Variants in MARCHF1 observed in about 807,000 individuals in gnomAD.
MARCHF1 encodes the protein membrane associated ring-CH-type finger 1, also known as E3 ubiquitin-protein ligase MARCHF1.
Under a neutral mutation model 54.2 loss-of-function variants are expected in MARCHF1, and 40 were observed. The observed-to-expected ratio is 0.74, with a 90% CI of 0.57 to 0.96. The LOEUF (loss-of-function observed/expected upper bound fraction) is 0.96, where lower values mean the gene tolerates loss of function less well. MARCHF1 is among the 40% of genes least tolerant of loss of function. MARCHF1 has a pLI of 0.00. For missense variants in MARCHF1, 586 were observed against 656.5 expected (o/e 0.89, Z 1.17); for synonymous variants, 236 against 236.3 (o/e 1.00, Z 0.01).
At chr4:164,253,069 TTAAAAA>T (rs1326702709) in intron 1 of MARCHF1, among the ~76,000 whole-genome samples, 1 of 151,684 alleles carries the variant, frequency 6.6e-6, no homozygotes, top group Non-Finnish European at 1.5e-5. Flanking sequence ...TAACAATAAA[TTAAAAA>T]TAAAACTTAA....
At chr4:164,167,034 G>A (rs1730400160) in intron 1 of MARCHF1, among the ~76,000 whole-genome samples, 2 of 150,860 alleles carry the variant, frequency 1.3e-5, no homozygotes, top group South Asian at 4.2e-4. Flanking sequence ...CATTATTATT[G>A]TCATCAATAT....
At chr4:163,675,924 T>C (rs1743897715) in intron 5 of MARCHF1, among the ~76,000 whole-genome samples, 1 of 152,156 alleles carries the variant, frequency 6.6e-6, no homozygotes, top group Non-Finnish European at 1.5e-5. Context: ...CTATATTTAA[T>C]ACAAACAAAC....
chr4:164,250,159 T>G (rs1560973965), intron 1 of MARCHF1, among the ~76,000 whole-genome samples: 1 of 152,078 alleles, frequency 6.6e-6, no homozygotes, highest in Non-Finnish European at 1.5e-5. Flanking sequence ...TGGAGCTCCA[T>G]AAACAGAGCA....
At chr4:164,027,428 A>G (rs1753794980) in intron 2 of MARCHF1, among the ~76,000 whole-genome samples, 1 of 149,532 alleles carries the variant, frequency 6.7e-6, no homozygotes, top group South Asian at 2.1e-4. Flanking sequence ...TCCACAGTAG[A>G]AAACCCAGAA....
At chr4:163,895,291 T>C (rs1442094305) in intron 3 of MARCHF1, among the ~76,000 whole-genome samples, 2 of 152,190 alleles carry the variant, frequency 1.3e-5, no homozygotes, top group Non-Finnish European at 1.5e-5. Flanking sequence ...TTTAGCTTCA[T>C]TATTGCCCTC....
intron 4 of MARCHF1, among the ~76,000 whole-genome samples, chr4:163,777,715 T>C (rs948732016): frequency 2.2e-4 from 34 of 152,154 alleles, no homozygotes; most frequent in Non-Finnish European, 1.3e-4. Context: ...AATAATACTT[T>C]TACTTAATGT....
intron 4 of MARCHF1, among the ~76,000 whole-genome samples, chr4:163,797,787 A>T (rs910108967): frequency 6.6e-6 from 1 of 152,036 alleles, no homozygotes; most frequent in African/African-American, 2.4e-5. Context: ...TATACTTTCT[A>T]TAATATATTA....
intron 2 of MARCHF1, among the ~76,000 whole-genome samples, chr4:164,020,922 A>G (rs1191137885): frequency 6.6e-6 from 1 of 152,104 alleles, no homozygotes; most frequent in Admixed American, 6.6e-5. Context: ...TAAAGACCAT[A>G]GTGACTACGG....
In MARCHF1 at chr4:163,983,285, TG is replaced by T. The variant is rs148106229; in HGVS notation, c.-39+5215del. Among the ~76,000 whole-genome samples the T allele has an allele frequency of 9.9e-3, 1,508 of 152,316 alleles. 27 individuals carry two copies. The highest frequency in any genetic ancestry group is 0.034 in the African/African-American group (1,428 of 41,576). ...TACTTTTTTCTCAAAGAGACAAACT[TG>T]AAAGGCTGAGTTATCTACTCAAGAT... On this transcript the variant is annotated intron_variant, in intron 3 of 9. Transcript: ENST00000514618.
At chr4:164,069,130 G>C (rs1465672637) in intron 2 of MARCHF1, among the ~76,000 whole-genome samples, 1 of 152,176 alleles carries the variant, frequency 6.6e-6, no homozygotes, top group Non-Finnish European at 1.5e-5. Context: ...CTGACACTCT[G>C]TATCTAGCTA....
intron 4 of MARCHF1, among the ~76,000 whole-genome samples, chr4:163,813,628 A>G (rs1296990760): frequency 6.6e-6 from 1 of 152,242 alleles, no homozygotes; most frequent in Non-Finnish European, 1.5e-5. Flanking sequence ...TTTTTAATAT[A>G]CAAGATCCTA....
chr4:163,691,433 A>T (rs138200413), intron 5 of MARCHF1, among the ~76,000 whole-genome samples: 1 of 152,266 alleles, frequency 6.6e-6, no homozygotes, highest in Non-Finnish European at 1.5e-5. Context: ...ATACTAGGAC[A>T]TCTCTTTCCC....
chr4:163,850,210 A>G (rs931747335), intron 4 of MARCHF1, among the ~76,000 whole-genome samples: 9 of 152,174 alleles, frequency 5.9e-5, no homozygotes, highest in African/African-American at 2.2e-4. Flanking sequence ...ATGTATAAAA[A>G]TAGAGAAGTG....
At chr4:164,115,915 A>G (rs1258463123) in intron 1 of MARCHF1, among the ~76,000 whole-genome samples, 1 of 152,076 alleles carries the variant, frequency 6.6e-6, no homozygotes, top group Non-Finnish European at 1.5e-5. Flanking sequence ...GAAGGTACAT[A>G]AAAGACAATT....
intron 2 of MARCHF1, among the ~76,000 whole-genome samples, chr4:164,040,327 T>C (rs1346761223): frequency 1.4e-5 from 2 of 138,252 alleles, no homozygotes; most frequent in South Asian, 2.2e-4. Context: ...TATGTATAAA[T>C]ACTTATACAA....
intron 7 of MARCHF1, among the ~76,000 whole-genome samples, chr4:163,603,189 T>C (rs1337438737): frequency 6.6e-6 from 1 of 152,142 alleles, no homozygotes; most frequent in East Asian, 1.9e-4. Flanking sequence ...TAAATAAATG[T>C]TGAGAGCAAA....
intron 1 of MARCHF1, among the ~76,000 whole-genome samples, chr4:164,137,518 G>A (rs1240953942): frequency 2.0e-5 from 3 of 152,072 alleles, no homozygotes; most frequent in African/African-American, 4.8e-5. Context: ...CACGATATTA[G>A]CGGAAAATGC....
chr4:164,368,483 C>G (rs1730943140), intron 1 of MARCHF1, among the ~76,000 whole-genome samples: 1 of 151,980 alleles, frequency 6.6e-6, no homozygotes, highest in African/African-American at 2.4e-5. Context: ...ATCATACAAG[C>G]TTTTCCATAG....
At chr4:163,580,280 A>G (rs1014764792) in intron 8 of MARCHF1, among the ~76,000 whole-genome samples, 2 of 151,842 alleles carry the variant, frequency 1.3e-5, no homozygotes, top group Non-Finnish European at 2.9e-5. Flanking sequence ...GGGTTTCACC[A>G]TGGTGGCCAG....
Sources: gnomAD v4.1 joint callset for allele counts (sites outside exome capture counted in the v4.1 genomes callset) on GRCh38, gnomAD v4.1.1 for gene constraint, MANE v1.5 for transcripts, NCBI Gene and HGNC (gene_info 2026-07-23, HGNC 2026-07-21) for gene names.